Variants in EVL observed in about 807,000 individuals in gnomAD.
The protein encoded by EVL is ena/VASP-like protein.
In EVL, 21 loss-of-function variants were observed where a neutral mutation model predicts 59.6. The ratio of observed to expected loss-of-function variants is 0.35; its 90% CI spans 0.25 to 0.51. The LOEUF (loss-of-function observed/expected upper bound fraction) is 0.51, where lower values mean the gene tolerates loss of function less well. Among genes scored for constraint, EVL ranks in the 20% least tolerant of loss-of-function variants. The pLI is 0.97. For missense variants in EVL, 462 were observed against 546.6 expected, an observed-to-expected ratio of 0.85 and a Z score of 1.54; for synonymous variants, 198 against 203.5, an observed-to-expected ratio of 0.97 and a Z score of 0.23.
rs1595262736 is a variant in EVL, at chr14:100,141,117, C to T, written c.1095-63C>T. The T allele has an allele frequency of 6.4e-6, 10 of 1,563,822 alleles. No homozygotes were observed. The Admixed American group carries it at 1.5e-4, about 24-fold the overall frequency. On this transcript the variant is annotated intron_variant, in intron 11 of 13. Coordinates refer to ENST00000392920, the MANE Select transcript of EVL (RefSeq NM_016337.3). ...GGGCCCAGCCTGAGCGGGGCCTCTG[C>T]ACAGCCAGCTTTCCCCCACACCTGT...
rs186936714 is a variant in EVL at position 100,002,225 on chromosome 14, G to A, written c.5+30168G>A. Among the ~76,000 whole-genome samples, 683 of 152,114 alleles carry A rather than the reference G, an allele frequency of 4.5e-3. 19 individuals are homozygous for A. The highest frequency in any genetic ancestry group is 0.035 in the Admixed American group (536 of 15,268). On this transcript the variant is annotated intron_variant, in intron 1 of 13. Coordinates refer to the EVL transcript ENST00000402714. ...TCTCCATGAGTCCTGAAAGTTTTTC[G>A]TCATCCTGATGTCACAATCTCCAAA...
Position 100,025,122 on chromosome 14 carries a change from C to A in EVL, c.5+53065C>A, listed in dbSNP as rs146769584. Among the ~76,000 whole-genome samples, 48 of 152,262 alleles carry A rather than the reference C, an allele frequency of 3.2e-4. No individual in the cohort carries two copies. In the East Asian group the frequency reaches 9.3e-3, roughly 29 times the overall value. On this transcript the variant is annotated intron_variant, in intron 1 of 13. Transcript: ENST00000402714. ...TAGTCTCAATTTTTCACCCATTTTCCTTTTTAAGATAAGAAGTCAAATCAT... is the reference window on the plus strand; with the variant it reads ...TAGTCTCAATTTTTCACCCATTTTCATTTTTAAGATAAGAAGTCAAATCAT...
intron 1 of EVL, among the ~76,000 whole-genome samples, chr14:100,030,757 G>A (rs1290396790): frequency 6.6e-6 from 1 of 152,176 alleles, no homozygotes; most frequent in Non-Finnish European, 1.5e-5. Flanking sequence ...TGACAAACTG[G>A]GACTACAGTG....
intron 1 of EVL, among the ~76,000 whole-genome samples, chr14:100,078,681 G>T (rs2062221820): frequency 6.6e-6 from 1 of 152,120 alleles, no homozygotes; most frequent in South Asian, 2.1e-4. Context: ...AGCTGGCGGG[G>T]TGCTTGTTAG....
intron 1 of EVL, among the ~76,000 whole-genome samples, chr14:100,071,517 A>T (rs949428998): frequency 6.6e-6 from 1 of 152,198 alleles, no homozygotes; most frequent in Non-Finnish European, 1.5e-5. Context: ...CTGCTTGTAT[A>T]TTCTTGTGTT....
chr14:100,075,519 C>T (rs576070091), intron 1 of EVL, among the ~76,000 whole-genome samples: 1 of 152,314 alleles, frequency 6.6e-6, no homozygotes, highest in East Asian at 1.9e-4. Context: ...TCTCTCTAGC[C>T]CCCGACCCTT....
intron 1 of EVL, among the ~76,000 whole-genome samples, chr14:100,011,846 T>C (rs2061018951): frequency 6.6e-6 from 1 of 152,230 alleles, no homozygotes; most frequent in African/African-American, 2.4e-5. Context: ...ATAATTTCTT[T>C]TGTTGTTGTT....
At chr14:100,034,286 C>T (rs145102986) in intron 1 of EVL, among the ~76,000 whole-genome samples, 18 of 151,412 alleles carry the variant, frequency 1.2e-4, no homozygotes, top group African/African-American at 3.9e-4. Context: ...ACCCCTGCCC[C>T]GAAAAAGACA....
chr14:100,068,459 C>T (rs903650070), intron 1 of EVL, among the ~76,000 whole-genome samples: 30 of 152,284 alleles, frequency 2.0e-4, no homozygotes, highest in African/African-American at 7.2e-4. Context: ...AAGGGAAAGA[C>T]ATCTCATAGA....
At position 100,108,783 on chromosome 14, in the gene EVL, C is replaced by T. The variant is rs1437517973; in HGVS notation, c.358+11125C>T. Among the ~76,000 whole-genome samples the T allele has an allele frequency of 6.6e-6, 1 of 152,184 alleles. No homozygotes were observed. The highest frequency in any genetic ancestry group is 2.4e-5 in the African/African-American group (1 of 41,444). ...CGCTCCCTGTGACTTTGCACTCCCTCCTGCACTCCCACGGGGCTTTATTTT... is the reference window on the plus strand; with the variant it reads ...CGCTCCCTGTGACTTTGCACTCCCTTCTGCACTCCCACGGGGCTTTATTTT... On this transcript the variant is annotated intron_variant, in intron 3 of 13. Transcript: ENST00000392920. This position sits in a 1 kb window ranked among gnomAD's most constrained non-coding sequence, Gnocchi z 4.1.
At chr14:100,048,041 C>T (rs780712981) in intron 1 of EVL, among the ~76,000 whole-genome samples, 3 of 152,182 alleles carry the variant, frequency 2.0e-5, no homozygotes, top group Non-Finnish European at 4.4e-5. Context: ...TTGAGACAAT[C>T]TTCATGACCT....
intron 7 of EVL, among the ~76,000 whole-genome samples, chr14:100,131,800 A>G (rs1888452604): frequency 6.6e-6 from 1 of 152,188 alleles, no homozygotes; most frequent in Non-Finnish European, 1.5e-5. Context: ...GACCAGGCTG[A>G]CAGTTATAAG....
At position 100,114,341 on chromosome 14, in the gene EVL, GA is replaced by G. The variant is rs1177681603; in HGVS notation, c.359-9197del. Among the ~76,000 whole-genome samples the G allele has an allele frequency of 5.9e-5, 9 of 152,150 alleles. No homozygotes were observed. Among genetic ancestry groups the G allele is most frequent in the Non-Finnish European group, 2.9e-5 (2 of 68,038 alleles). On this transcript the variant is annotated intron_variant, in intron 3 of 13. Transcript: ENST00000392920. The surrounding 1 kb of genome is among the most constrained non-coding windows in gnomAD (Gnocchi z 5.0). Reference sequence around the variant, plus strand: ...TCCATCCCATTGCCCACAGGGTTAAGAGGAGTGCCACCTACAGGGTATCTCT... The same window carrying G: ...TCCATCCCATTGCCCACAGGGTTAAGGGAGTGCCACCTACAGGGTATCTCT...
upstream of EVL, among the ~76,000 whole-genome samples, chr14:100,062,704 T>G (rs1171255808): frequency 1.3e-5 from 2 of 152,106 alleles, no homozygotes; most frequent in East Asian, 3.8e-4. Flanking sequence ...GGACATACTT[T>G]AAATACAAAG....
intron 2 of EVL, among the ~76,000 whole-genome samples, chr14:100,093,958 G>C (rs1294079362): frequency 6.6e-6 from 1 of 152,090 alleles, no homozygotes; most frequent in Non-Finnish European, 1.5e-5. Context: ...AGTTATTGTT[G>C]TTAATCTCTG....
At chr14:100,019,834 G>A in intron 1 of EVL, 1 of 761,324 alleles carries the variant, frequency 1.3e-6, no homozygotes, top group Non-Finnish European at 2.1e-6. Context: ...TCCCAGTCAT[G>A]GGGGTGGGAG....
At chr14:100,000,416 C>G (rs533301930) in intron 1 of EVL, among the ~76,000 whole-genome samples, 4 of 141,696 alleles carry the variant, frequency 2.8e-5, no homozygotes, top group Non-Finnish European at 4.5e-5. Context: ...GGCGCGATCT[C>G]TGCTCACTGC....
chr14:100,028,626 CA>C (rs1344858883), intron 1 of EVL, among the ~76,000 whole-genome samples: 1 of 152,144 alleles, frequency 6.6e-6, no homozygotes, highest in Non-Finnish European at 1.5e-5. Flanking sequence ...TCCTGGTCAA[CA>C]TGGTGAAACC....
chr14:100,039,001 C>T (rs2061429522), intron 1 of EVL, among the ~76,000 whole-genome samples: 1 of 152,004 alleles, frequency 6.6e-6, no homozygotes, highest in Non-Finnish European at 1.5e-5. Flanking sequence ...GGACTGGCTT[C>T]TCAGATTTCA....
Sources: gnomAD v4.1 joint callset for allele counts (sites outside exome capture counted in the v4.1 genomes callset) on GRCh38, gnomAD v4.1.1 for gene constraint, Gnocchi (gnomAD v3.1) non-coding constraint, MANE v1.5 for transcripts, NCBI Gene and HGNC (gene_info 2026-07-23, HGNC 2026-07-21) for gene names.